PRPSAP1: variants seen among roughly 807,000 people sequenced by gnomAD.
PRPSAP1 encodes the protein phosphoribosyl pyrophosphate synthetase associated protein 1.
Under a neutral mutation model 39.4 loss-of-function variants are expected in PRPSAP1, and 31 were observed. That is an observed-to-expected ratio of 0.79 (90% CI 0.59 to 1.06). The LOEUF (loss-of-function observed/expected upper bound fraction) is 1.06, where lower values mean the gene tolerates loss of function less well. Among genes scored for constraint, PRPSAP1 ranks in the 50% least tolerant of loss-of-function variants. PRPSAP1 has a pLI of 0.00. For missense variants in PRPSAP1, 430 were observed against 511.6 expected (o/e 0.84, Z 1.54); for synonymous variants, 212 against 192.6 (o/e 1.10, Z -0.83).
intron 1 of PRPSAP1, among the ~76,000 whole-genome samples, chr17:76,348,974 T>C (rs1478567263): frequency 6.6e-6 from 1 of 152,206 alleles, no homozygotes; most frequent in Admixed American, 6.6e-5. Context: ...CCAAATGTGG[T>C]GTGGATCTTG....
intron 2 of PRPSAP1, chr17:76,345,743 A>G (rs1372876123): frequency 4.4e-6 from 1 of 224,822 alleles, no homozygotes; most frequent in African/African-American, 2.3e-5. Context: ...AGTATGAAGA[A>G]GAGGAAGCGA....
chr17:76,321,849 C>T (rs1178192434), intron 7 of PRPSAP1, among the ~76,000 whole-genome samples: 1 of 151,550 alleles, frequency 6.6e-6, no homozygotes, highest in Non-Finnish European at 1.5e-5. Flanking sequence ...AGGGAACACA[C>T]AAATGATGAG....
At position 76,311,461 on chromosome 17, in the gene PRPSAP1, G is replaced by T; in HGVS notation, c.*81C>A. 6.8e-7 allele frequency: 1 copy of T among 1,462,548 alleles called. No individual in the cohort carries two copies. Among genetic ancestry groups the T allele is most frequent in the Non-Finnish European group, 9.2e-7 (1 of 1,088,650 alleles). The allele number at this position is 1,462,548 out of a possible 1,614,324, so 90.6% of individuals were successfully genotyped here. ...TCCAGGCTGTTTCGAGTCCTCCCTT[G>T]CAAGGAAACACTGTATCACTCATGG... On this transcript the variant is annotated 3_prime_UTR_variant, in exon 10 of 10. Coordinates refer to ENST00000446526, the MANE Select transcript of PRPSAP1 (RefSeq NM_002766.3).
intron 7 of PRPSAP1, among the ~76,000 whole-genome samples, chr17:76,319,644 A>T (rs1161177714): frequency 1.3e-5 from 2 of 151,176 alleles, no homozygotes; most frequent in East Asian, 2.0e-4. Flanking sequence ...AATTTTTGTA[A>T]TTTTAGTAGA....
chr17:76,337,627 T>A (rs553587369), intron 3 of PRPSAP1, among the ~76,000 whole-genome samples: 7 of 152,244 alleles, frequency 4.6e-5, no homozygotes, highest in African/African-American at 1.4e-4. Context: ...TGAGACTGAG[T>A]CACTCTGTCA....
At chr17:76,342,799 C>G (rs542656569) in intron 3 of PRPSAP1, among the ~76,000 whole-genome samples, 6 of 151,782 alleles carry the variant, frequency 4.0e-5, no homozygotes, top group African/African-American at 1.5e-4. Flanking sequence ...TAGGGCCGGG[C>G]GCAGTGGCTC....
At chr17:76,340,953 G>A (rs2071430495) in intron 3 of PRPSAP1, among the ~76,000 whole-genome samples, 2 of 151,138 alleles carry the variant, frequency 1.3e-5, no homozygotes, top group Admixed American at 6.6e-5. Flanking sequence ...CACAAAACTG[G>A]TCCCTGGTGC....
chr17:76,337,030 C>T (rs1264683648), intron 3 of PRPSAP1, among the ~76,000 whole-genome samples: 1 of 152,190 alleles, frequency 6.6e-6, no homozygotes, highest in East Asian at 1.9e-4. Context: ...CCCTGGCTAG[C>T]TCTTGTAGTC....
intron 7 of PRPSAP1, 52 bp from the exon 8 acceptor site, chr17:76,313,943 G>T: frequency 6.3e-7 from 1 of 1,586,710 alleles, no homozygotes; most frequent in Non-Finnish European, 8.6e-7. Context: ...TATCACTAGA[G>T]AAATGTAATC....
intron 7 of PRPSAP1, among the ~76,000 whole-genome samples, chr17:76,325,411 C>CAA (rs761293363): frequency 0.013 from 244 of 18,886 alleles, 42 homozygotes; most frequent in African/African-American, 0.029. Flanking sequence ...GACTCAGTCT[C>CAA]AAAAAAAAAA....
intron 7 of PRPSAP1, among the ~76,000 whole-genome samples, chr17:76,319,706 G>C (rs142472261): frequency 6.6e-6 from 1 of 151,716 alleles, no homozygotes; most frequent in Admixed American, 6.6e-5. Context: ...GCCCTCCTTG[G>C]CCTCCCAAAG....
intron 1 of PRPSAP1, among the ~76,000 whole-genome samples, chr17:76,352,217 GAAAATGGCTTTAAATATTA>G (rs143786754): frequency 0.023 from 3,484 of 152,180 alleles, 142 homozygotes; most frequent in African/African-American, 0.08. Flanking sequence ...TTTAAAATGT[GAAAATGGCTTTAAATATTA>G]AAAGACGAGC....
intron 7 of PRPSAP1, among the ~76,000 whole-genome samples, chr17:76,320,253 CAAGAAAGAAAGAAAAGA>C (rs781727208): frequency 3.6e-4 from 41 of 115,480 alleles, no homozygotes; most frequent in Middle Eastern, 4.5e-3. Flanking sequence ...CTGGGTGAGA[CAAGAAAGAAAGAAAAGA>C]AAGAAAGAAA....
chr17:76,333,887 TACTC>T (rs933117058), intron 3 of PRPSAP1, among the ~76,000 whole-genome samples: 7 of 151,588 alleles, frequency 4.6e-5, no homozygotes, highest in Admixed American at 6.6e-5. Context: ...TTCTTTCACT[TACTC>T]ACTCACTCAC....
chr17:76,328,498 A>G lies in PRPSAP1; in HGVS notation c.781+219T>C, dbSNP rs958844507. On this transcript the variant is annotated intron_variant, in intron 7 of 9. Transcript: ENST00000446526. ...GTGGCACACACCTGTAATCTTTGCC[A>G]CTCACGAGGCTGAGGCAGGAGAATT... 4.6e-5 allele frequency among the ~76,000 whole-genome samples: 7 copies of G among 151,990 alleles called. No individual in the cohort carries two copies. In the East Asian group the frequency reaches 1.4e-3, roughly 29 times the overall value.
rs1322365392 is a variant in PRPSAP1, at chr17:76,311,581, G to A, written c.1119C>T (p.Ser373=). 6.2e-7 allele frequency: 1 copy of A among 1,614,068 alleles called. No individual in the cohort carries two copies. Among genetic ancestry groups the A allele is most frequent in the African/African-American group, 1.3e-5 (1 of 74,926 alleles). ...TGATGTTTCGGAAAAGGTAGGCCAT[G>A]GACTCTCCATTGTGGATTCTCCGAA... ...EAIRRIHNGE[S]MAYLFRNITV... Residue 373 remains serine (S), a synonymous_variant, in exon 10 of 10, where the codon TCC becomes TCT. Coordinates refer to ENST00000446526, the MANE Select transcript of PRPSAP1 (RefSeq NM_002766.3).
chr17:76,330,017 T>C, intron 6 of PRPSAP1, 26 bp downstream of exon 6: 1 of 1,606,884 alleles, frequency 6.2e-7, no homozygotes. Flanking sequence ...TCAGGAGGGA[T>C]CAGGACCCAT....
chr17:76,353,581 C>A lies in PRPSAP1; in HGVS notation c.123G>T (p.Ser41=). The A allele has an allele frequency of 6.4e-7, 1 of 1,562,200 alleles. No homozygotes were observed. The highest frequency in any genetic ancestry group is 1.8e-5 in the Admixed American group (1 of 54,812). Residue 41 remains serine (S), a synonymous_variant, in exon 1 of 10, where the codon TCG becomes TCT. Coordinates refer to ENST00000446526, the MANE Select transcript of PRPSAP1 (RefSeq NM_002766.3). The stretch of plus-strand genomic sequence containing the variant: ...CCGTGCAGGCGGCCGTGGAGTTGGC[C>A]GAGAAGACTCGGTAGCCGGTGCGAG... ...NAARTGYRVF[S]ANSTAACTEL...
rs1170429873 is a variant in PRPSAP1 at position 76,310,124 on chromosome 17, G to C, written c.*1418C>G. The C allele has an allele frequency of 6.6e-6, 1 of 151,790 alleles. No individual in the cohort carries two copies. The highest frequency in any genetic ancestry group is 1.9e-4 in the East Asian group (1 of 5,172). The allele number at this position is 151,790 out of a possible 1,614,324, so 9.4% of individuals were successfully genotyped here. ...CCTGCCTCAGCCTCCCGAGTAGCTG[G>C]GATTACAGGCGTGCACCCCCTCCCC... On this transcript the variant is annotated 3_prime_UTR_variant, in exon 10 of 10. Coordinates refer to ENST00000446526, the MANE Select transcript of PRPSAP1 (RefSeq NM_002766.3).
Sources: gnomAD v4.1 joint callset for allele counts (sites outside exome capture counted in the v4.1 genomes callset) on GRCh38, gnomAD v4.1.1 for gene constraint, MANE v1.5 for transcripts, NCBI Gene and HGNC (gene_info 2026-07-23, HGNC 2026-07-21) for gene names.